The following HS6ST3 variants were observed in gnomAD, a reference collection of about 807,000 sequenced individuals.
The protein encoded by HS6ST3 is heparan sulfate 6-O-sulfotransferase 3, also known as heparan-sulfate 6-O-sulfotransferase 3.
A neutral mutation model predicts 36.7 loss-of-function variants in HS6ST3; 12 were observed. The ratio of observed to expected loss-of-function variants is 0.33; its 90% CI spans 0.21 to 0.53. The LOEUF is 0.53. Among genes scored for constraint, HS6ST3 ranks in the 20% least tolerant of loss-of-function variants. The pLI, the probability that HS6ST3 is intolerant of heterozygous loss-of-function variation, is 0.95. For missense variants in HS6ST3, 584 were observed against 640.9 expected, an observed-to-expected ratio of 0.91 and a Z score of 0.96; for synonymous variants, 240 against 257.5, an observed-to-expected ratio of 0.93 and a Z score of 0.65.
At chr13:96,597,748 G>C (rs1275303609) in intron 1 of HS6ST3, among the ~76,000 whole-genome samples, 1 of 151,390 alleles carries the variant, frequency 6.6e-6, no homozygotes. Context: ...TTTTTTGCAT[G>C]GGCCAATATC....
At chr13:96,587,763 C>T (rs1315348043) in intron 1 of HS6ST3, among the ~76,000 whole-genome samples, 1 of 152,178 alleles carries the variant, frequency 6.6e-6, no homozygotes, top group African/African-American at 2.4e-5. Flanking sequence ...GGTCCCACTT[C>T]CTCTCAGTAC....
chr13:96,303,735 TTGAG>T (rs2054894767), intron 1 of HS6ST3, among the ~76,000 whole-genome samples: 1 of 152,182 alleles, frequency 6.6e-6, no homozygotes, highest in Admixed American at 6.5e-5. Flanking sequence ...TGTGAAAGAA[TTGAG>T]TGAGAGTTTT....
At chr13:96,598,114 T>C (rs1306306588) in intron 1 of HS6ST3, among the ~76,000 whole-genome samples, 1 of 152,142 alleles carries the variant, frequency 6.6e-6, no homozygotes, top group East Asian at 1.9e-4. Flanking sequence ...GTGATGCCTC[T>C]AGATTTGCTC....
Position 96,780,157 on chromosome 13 carries a change from G to A in HS6ST3, c.708-52333G>A, listed in dbSNP as rs532474138. ...GAAGTACCAAAGAAAAAAGTGAACAGGTATCAGAGACTCAGAAGCTGTGAG... is the reference window on the plus strand; with the variant it reads ...GAAGTACCAAAGAAAAAAGTGAACAAGTATCAGAGACTCAGAAGCTGTGAG... On this transcript the variant is annotated intron_variant, in intron 1 of 1. Coordinates refer to ENST00000376705, the MANE Select transcript of HS6ST3 (RefSeq NM_153456.4). Among the ~76,000 whole-genome samples the A allele has an allele frequency of 1.1e-3, 162 of 152,258 alleles. 1 individual carries two copies. Among genetic ancestry groups the A allele is most frequent in the African/African-American group, 3.7e-3 (153 of 41,564 alleles).
chr13:96,709,190 A>G (rs1875501134), intron 1 of HS6ST3, among the ~76,000 whole-genome samples: 1 of 152,170 alleles, frequency 6.6e-6, no homozygotes, highest in African/African-American at 2.4e-5. Context: ...CTCCTTGTGA[A>G]GAAGGTGCCT....
At chr13:96,832,026 C>T (rs1259876615) in intron 1 of HS6ST3, among the ~76,000 whole-genome samples, 1 of 147,892 alleles carries the variant, frequency 6.8e-6, no homozygotes, top group Non-Finnish European at 1.5e-5. Flanking sequence ...TTTCTAGTCC[C>T]ATGTCCTTGG....
At chr13:96,142,894 T>C (rs1179674432) in intron 1 of HS6ST3, among the ~76,000 whole-genome samples, 1 of 152,132 alleles carries the variant, frequency 6.6e-6, no homozygotes, top group Admixed American at 6.5e-5. Flanking sequence ...GATAATTCAG[T>C]AATGTCTTTA....
chr13:96,418,097 G>A (rs919763778), intron 1 of HS6ST3, among the ~76,000 whole-genome samples: 2 of 152,064 alleles, frequency 1.3e-5, no homozygotes, highest in African/African-American at 4.8e-5. Context: ...TAGGACTACC[G>A]GGCACCCTGT....
chr13:96,244,965 G>A (rs896080646), intron 1 of HS6ST3, among the ~76,000 whole-genome samples: 17 of 152,156 alleles, frequency 1.1e-4, no homozygotes, highest in African/African-American at 3.9e-4. Context: ...TTATTCACAT[G>A]CCTGTGCTCA....
At chr13:96,795,711 A>G (rs1009184932) in intron 1 of HS6ST3, among the ~76,000 whole-genome samples, 5 of 152,130 alleles carry the variant, frequency 3.3e-5, no homozygotes, top group African/African-American at 9.6e-5. Context: ...CAGAGGGCCC[A>G]AAGAGAATCC....
chr13:96,402,913 C>T lies in HS6ST3; in HGVS notation c.707+311344C>T, dbSNP rs11839363. ...CATTTTGAGGATATATGTTTCCTTT[C>T]GCTTGGGTAACACCTAGGAGTAGAA... On this transcript the variant is annotated intron_variant, in intron 1 of 1. Coordinates refer to ENST00000376705, the MANE Select transcript of HS6ST3 (RefSeq NM_153456.4). Among the ~76,000 whole-genome samples the T allele has an allele frequency of 5.1e-3, 772 of 152,256 alleles. 9 individuals are homozygous for T. Among genetic ancestry groups the T allele is most frequent in the African/African-American group, 0.018 (738 of 41,540 alleles).
chr13:96,724,353 G>T (rs1360280467), intron 1 of HS6ST3, among the ~76,000 whole-genome samples: 1 of 152,166 alleles, frequency 6.6e-6, no homozygotes, highest in Non-Finnish European at 1.5e-5. Flanking sequence ...TTTAAGCAGT[G>T]TTCTTAAGGT....
intron 1 of HS6ST3, among the ~76,000 whole-genome samples, chr13:96,765,060 C>CTTTTTTTTTTTTTTTTT (rs11423735): frequency 1.2e-4 from 11 of 93,910 alleles, no homozygotes; most frequent in Non-Finnish European, 1.6e-4. Flanking sequence ...TTGTTTCTTT[C>CTTTTTTTTTTTTTTTTT]TTTTTTTTTT....
At chr13:96,657,959 G>T (rs1247974331) in intron 1 of HS6ST3, among the ~76,000 whole-genome samples, 1 of 152,106 alleles carries the variant, frequency 6.6e-6, no homozygotes, top group Non-Finnish European at 1.5e-5. Flanking sequence ...ACTTGACTTG[G>T]CAGTTACATG....
intron 1 of HS6ST3, among the ~76,000 whole-genome samples, chr13:96,309,748 C>A (rs932626663): frequency 2.0e-5 from 3 of 152,056 alleles, no homozygotes; most frequent in Admixed American, 6.5e-5. Context: ...TTAAATTAAA[C>A]TTTGATAAAA....
intron 1 of HS6ST3, among the ~76,000 whole-genome samples, chr13:96,334,709 C>G (rs1000420944): frequency 4.6e-5 from 7 of 152,010 alleles, no homozygotes; most frequent in Non-Finnish European, 8.8e-5. Flanking sequence ...TATTCACTAC[C>G]ACAAAAACAG....
At chr13:96,532,381 A>G (rs2056139085) in intron 1 of HS6ST3, among the ~76,000 whole-genome samples, 1 of 152,258 alleles carries the variant, frequency 6.6e-6, no homozygotes, top group African/African-American at 2.4e-5. Context: ...GCTAGTTTGC[A>G]TATGCAAATG....
chr13:96,590,601 G>A (rs980395855), intron 1 of HS6ST3, among the ~76,000 whole-genome samples: 3 of 151,708 alleles, frequency 2.0e-5, no homozygotes, highest in Non-Finnish European at 2.9e-5. Context: ...TCCATTATTA[G>A]ATGGGTATTC....
At chr13:96,265,688 A>G (rs1036580786) in intron 1 of HS6ST3, among the ~76,000 whole-genome samples, 2 of 152,224 alleles carry the variant, frequency 1.3e-5, no homozygotes, top group African/African-American at 4.8e-5. Context: ...GTCAGTGGAC[A>G]GGACCATGGT....
Sources: gnomAD v4.1 joint callset for allele counts (sites outside exome capture counted in the v4.1 genomes callset) on GRCh38, gnomAD v4.1.1 for gene constraint, MANE v1.5 for transcripts, NCBI Gene and HGNC (gene_info 2026-07-23, HGNC 2026-07-21) for gene names.